The following ANKDD1B variants were observed in gnomAD, a reference collection of about 807,000 sequenced individuals.
ANKDD1B encodes the protein ankyrin repeat and death domain-containing protein 1B.
In ANKDD1B, 57 loss-of-function variants were observed where a neutral mutation model predicts 59.7. The observed-to-expected ratio is 0.95, with a 90% CI of 0.77 to 1.19. The LOEUF (loss-of-function observed/expected upper bound fraction) is 1.19, where lower values mean the gene tolerates loss of function less well. Among genes scored for constraint, ANKDD1B ranks in the 50% most tolerant of loss-of-function variants. The pLI is 0.00. For synonymous variants in ANKDD1B, 216 were observed against 239.5 expected (o/e 0.90, Z 0.91); for missense variants, 602 against 641.9 (o/e 0.94, Z 0.67).
rs1402661381 is a variant in ANKDD1B, at chr5:75,663,443, T to C, written c.1145T>C (p.Val382Ala). Residue 382 changes from valine to alanine, a missense_variant, in exon 11 of 14, where the codon GTC becomes GCC. This residue lies in a region of ANKDD1B where 280 missense variants were observed against 319.8 expected (regional missense o/e 0.88). Coordinates refer to ENST00000601380, the MANE Select transcript of ANKDD1B (RefSeq NM_001276713.2). ...AVASRSNHSL[V>A]VGMLIKAERY... The stretch of plus-strand genomic sequence containing the variant: ...GCCTCCAGGAGCAACCATAGCCTTG[T>C]CGTGGGCATGCTCATTAAAGCAGAG... 7.8e-6 allele frequency: 12 copies of C among 1,536,302 alleles called. No individual in the cohort carries two copies. Among genetic ancestry groups the C allele is most frequent in the Non-Finnish European group, 1.0e-5 (12 of 1,146,956 alleles).
intron 5 of ANKDD1B, among the ~76,000 whole-genome samples, chr5:75,626,724 G>A (rs1432768308): frequency 6.6e-6 from 1 of 152,142 alleles, no homozygotes; most frequent in Non-Finnish European, 1.5e-5. Flanking sequence ...CAGACTAACA[G>A]TGGGTATTGG....
At chr5:75,653,437 A>G (rs1774882663) in intron 8 of ANKDD1B, among the ~76,000 whole-genome samples, 197 bp downstream of exon 8, 1 of 152,216 alleles carries the variant, frequency 6.6e-6, no homozygotes, top group African/African-American at 2.4e-5. Flanking sequence ...AATTTTAGAA[A>G]GTCATTGAAG....
chr5:75,611,734 G>C lies in ANKDD1B; in HGVS notation c.100G>C (p.Gly34Arg). ...AAKGLREDLW[G>R]AAALPWRSLS... The stretch of plus-strand genomic sequence containing the variant: ...CAAGGGTCTCAGGGAAGACCTGTGG[G>C]GCGCGGCCGCCCTGCCTTGGAGGAG... The change falls in exon 1 of 14, where the codon GGC becomes CGC. Residue 34 changes from glycine (G) to arginine (R), a missense_variant. Physicochemically the swap from Gly to Arg is moderately radical, Grantham distance 125. Coordinates refer to ENST00000601380, the MANE Select transcript of ANKDD1B (RefSeq NM_001276713.2). 8.1e-7 allele frequency: 1 copy of C among 1,231,952 alleles called. No individual in the cohort carries two copies. Among genetic ancestry groups the C allele is most frequent in the Non-Finnish European group, 1.0e-6 (1 of 988,082 alleles). 76.3% of individuals were successfully genotyped at this position (1,231,952 alleles called of 1,614,324 possible). A position where few individuals can be genotyped will look rare whatever the true frequency, so the allele number is the denominator to read the frequency against.
At chr5:75,656,524 A>G (rs1378553979) in intron 9 of ANKDD1B, among the ~76,000 whole-genome samples, 1 of 152,232 alleles carries the variant, frequency 6.6e-6, no homozygotes, top group Non-Finnish European at 1.5e-5. Flanking sequence ...AAAGACAGTA[A>G]ATGTATCTTC....
intron 6 of ANKDD1B, 64 bp from the exon 7 acceptor site, chr5:75,635,720 T>TA: frequency 9.4e-7 from 1 of 1,063,950 alleles, no homozygotes; most frequent in Non-Finnish European, 1.4e-6. Flanking sequence ...TTGCAGCCCT[T>TA]ACTATTGAAG....
At chr5:75,643,673 G>T (rs201706146) in intron 7 of ANKDD1B, among the ~76,000 whole-genome samples, 1 of 31,776 alleles carries the variant, frequency 3.1e-5, no homozygotes, top group Non-Finnish European at 5.1e-5. Context: ...AAAACACTCT[G>T]CAGGATATTA....
At chr5:75,664,847 C>T (rs942927240) in intron 11 of ANKDD1B, among the ~76,000 whole-genome samples, 9 of 152,102 alleles carry the variant, frequency 5.9e-5, no homozygotes, top group South Asian at 2.1e-4. Context: ...TTGTTAACTC[C>T]GGTGACAATT....
At chr5:75,665,888 A>C (rs1443334889) in intron 11 of ANKDD1B, among the ~76,000 whole-genome samples, 1 of 152,086 alleles carries the variant, frequency 6.6e-6, no homozygotes, top group East Asian at 1.9e-4. Flanking sequence ...ATTTTCATTA[A>C]GATACACCTC....
Position 75,669,373 on chromosome 5 carries a change from A to T in ANKDD1B, c.1515A>T (p.Pro505=). The change falls in exon 13 of 14, where the codon CCA becomes CCT. Residue 505 remains proline (P), a synonymous_variant. Transcript: ENST00000601380. ...LYEELVHAGF[P]KLAEKTRHFK... ...AAGAGCTGGTACACGCAGGTTTCCC[A>T]AAACTAGCTGGTAAGTGACAGTTTC... 8 of 1,232,166 alleles carry T rather than the reference A, an allele frequency of 6.5e-6. No homozygotes were observed. The highest frequency in any genetic ancestry group is 5.1e-6 in the Non-Finnish European group (5 of 987,924). The allele number at this position is 1,232,166 out of a possible 1,614,324, so 76.3% of individuals were successfully genotyped here.
intron 10 of ANKDD1B, among the ~76,000 whole-genome samples, chr5:75,662,126 A>C (rs1389758530): frequency 6.6e-6 from 1 of 152,102 alleles, no homozygotes. Flanking sequence ...TCACTCCAGC[A>C]TATATTCCTT....
At chr5:75,667,230 G>T (rs1236728539) in intron 12 of ANKDD1B, among the ~76,000 whole-genome samples, 1 of 152,210 alleles carries the variant, frequency 6.6e-6, no homozygotes, top group Non-Finnish European at 1.5e-5. Context: ...ATGATTATGT[G>T]TATTGACCCA....
At chr5:75,638,190 T>A (rs75130438) in intron 7 of ANKDD1B, among the ~76,000 whole-genome samples, 2 of 152,198 alleles carry the variant, frequency 1.3e-5, no homozygotes, top group East Asian at 1.9e-4. Context: ...TATTAAAACA[T>A]GTTTAAACCA....
At chr5:75,623,072 T>A (rs77618811) in intron 3 of ANKDD1B, among the ~76,000 whole-genome samples, 2 of 152,282 alleles carry the variant, frequency 1.3e-5, no homozygotes, top group East Asian at 3.9e-4. Flanking sequence ...TCTCAAATAT[T>A]TCTGGTGGTT....
In ANKDD1B at chr5:75,671,423, T is replaced by C. The variant is rs1315642767; in HGVS notation, c.*383T>C. 2 of 154,786 alleles carry C rather than the reference T, an allele frequency of 1.3e-5. No homozygotes were observed. The highest frequency in any genetic ancestry group is 4.8e-5 in the African/African-American group (2 of 41,608). The allele number at this position is 154,786 out of a possible 1,614,324, so 9.6% of individuals were successfully genotyped here. Reference sequence around the variant, plus strand: ...GTTTTGAACTTGGTTTTGCCACTTATTAGATGTGAACCTTTGGGCATGTTA... The same window carrying C: ...GTTTTGAACTTGGTTTTGCCACTTACTAGATGTGAACCTTTGGGCATGTTA... On this transcript the variant is annotated 3_prime_UTR_variant, in exon 14 of 14. Transcript: ENST00000601380.
chr5:75,653,704 G>A (rs2111998886), intron 8 of ANKDD1B, among the ~76,000 whole-genome samples: 1 of 152,266 alleles, frequency 6.6e-6, no homozygotes, highest in East Asian at 1.9e-4. Context: ...ATTAACAAAG[G>A]TCCTCTGTGC....
intron 3 of ANKDD1B, among the ~76,000 whole-genome samples, chr5:75,622,404 G>C (rs1412748523): frequency 6.6e-6 from 1 of 152,064 alleles, no homozygotes; most frequent in Non-Finnish European, 1.5e-5. Flanking sequence ...GGCTTTGCAG[G>C]GCCTACAGTC....
At chr5:75,625,786 A>C (rs1157940990) in intron 4 of ANKDD1B, 41 bp downstream of exon 4, 2 of 1,527,324 alleles carry the variant, frequency 1.3e-6, no homozygotes, top group Non-Finnish European at 8.8e-7. Context: ...CTCTTACCTC[A>C]CCATTGCAGG....
At chr5:75,639,673 A>G (rs1479664538) in intron 7 of ANKDD1B, among the ~76,000 whole-genome samples, 2 of 152,224 alleles carry the variant, frequency 1.3e-5, no homozygotes, top group Non-Finnish European at 2.9e-5. Context: ...TATCTAAGGC[A>G]GTTGTTAAGC....
At chr5:75,614,379 A>C (rs1227078069) in intron 1 of ANKDD1B, among the ~76,000 whole-genome samples, 1 of 152,226 alleles carries the variant, frequency 6.6e-6, no homozygotes, top group Non-Finnish European at 1.5e-5. Flanking sequence ...GCTGCAAGCA[A>C]ACCTGCCCTT....
Sources: gnomAD v4.1 joint callset for allele counts (sites outside exome capture counted in the v4.1 genomes callset) on GRCh38, gnomAD v4.1.1 for gene constraint, gnomAD v4.1.1 regional missense constraint, MANE v1.5 for transcripts, NCBI Gene and HGNC (gene_info 2026-07-23, HGNC 2026-07-21) for gene names.